Variants in MFSD8 observed in about 807,000 individuals in gnomAD.
MFSD8 encodes major facilitator superfamily domain-containing protein 8.
Under a neutral mutation model 66.4 loss-of-function variants are expected in MFSD8, and 55 were observed. The observed-to-expected ratio is 0.83, with a 90% CI of 0.67 to 1.04. The LOEUF (loss-of-function observed/expected upper bound fraction) is 1.04. MFSD8 is among the 50% of genes least tolerant of loss of function. The pLI is 0.00. For missense variants in MFSD8, 550 were observed against 627.6 expected, an observed-to-expected ratio of 0.88 and a Z score of 1.32; for synonymous variants, 202 against 212.8, an observed-to-expected ratio of 0.95 and a Z score of 0.44.
intron 1 of MFSD8, among the ~76,000 whole-genome samples, chr4:127,958,667 A>G (rs899861547): frequency 6.6e-6 from 1 of 152,178 alleles, no homozygotes; most frequent in Non-Finnish European, 1.5e-5. Context: ...ACCTGAGAAA[A>G]ATACCAGAAC....
chr4:127,921,273 C>G, intron 11 of MFSD8: 1 of 633,940 alleles, frequency 1.6e-6, no homozygotes, highest in Non-Finnish European at 2.7e-6. Flanking sequence ...CCATATTTGG[C>G]TGACTCCACT....
chr4:127,958,984 C>T (rs138165985), intron 1 of MFSD8, among the ~76,000 whole-genome samples: 2 of 152,264 alleles, frequency 1.3e-5, no homozygotes, highest in African/African-American at 4.8e-5. Context: ...GTCAAAGGCC[C>T]TCAAATGTCA....
intron 7 of MFSD8, among the ~76,000 whole-genome samples, chr4:127,938,480 G>C (rs1232184056): frequency 6.6e-6 from 1 of 151,778 alleles, no homozygotes; most frequent in Non-Finnish European, 1.5e-5. Flanking sequence ...CTACTCAGGA[G>C]GCTGAGGCAG....
intron 8 of MFSD8, 199 bp downstream of exon 8, chr4:127,932,786 A>C: frequency 2.0e-6 from 1 of 491,238 alleles, no homozygotes; most frequent in Non-Finnish European, 3.7e-6. Flanking sequence ...AAATAAGATA[A>C]GGTAGTTAAG....
chr4:127,961,158 T>G (rs1579002488), intron 1 of MFSD8, among the ~76,000 whole-genome samples: 2 of 152,198 alleles, frequency 1.3e-5, no homozygotes. Flanking sequence ...GGTGGTGACC[T>G]AGACATGTTT....
At chr4:127,937,304 CTT>C (rs1256858532) in intron 7 of MFSD8, among the ~76,000 whole-genome samples, 2 of 152,202 alleles carry the variant, frequency 1.3e-5, no homozygotes, top group African/African-American at 4.8e-5. Flanking sequence ...ATCATCTTCT[CTT>C]TTCATCTAAC....
At chr4:127,934,980 T>C (rs1328713854) in intron 7 of MFSD8, among the ~76,000 whole-genome samples, 1 of 152,154 alleles carries the variant, frequency 6.6e-6, no homozygotes, top group Non-Finnish European at 1.5e-5. Context: ...GCAGTAAGTT[T>C]CTATGATTTT....
intron 2 of MFSD8, among the ~76,000 whole-genome samples, chr4:127,954,205 C>T (rs1035247822): frequency 6.6e-6 from 1 of 152,136 alleles, no homozygotes; most frequent in African/African-American, 2.4e-5. Flanking sequence ...TTAGTAACTA[C>T]ATATTCAGAA....
At chr4:127,929,104 G>T (rs1397519563) in intron 9 of MFSD8, among the ~76,000 whole-genome samples, 1 of 151,620 alleles carries the variant, frequency 6.6e-6, no homozygotes, top group African/African-American at 2.4e-5. Flanking sequence ...GGCAGATCAT[G>T]AGGTCAGGAG....
chr4:127,961,899 C>T (rs1259140939), intron 1 of MFSD8, among the ~76,000 whole-genome samples: 1 of 151,302 alleles, frequency 6.6e-6, no homozygotes, highest in East Asian at 1.9e-4. Context: ...CAAGCTTATG[C>T]ACTTAACTAG....
intron 9 of MFSD8, among the ~76,000 whole-genome samples, chr4:127,928,450 C>A (rs1578829702): frequency 6.6e-6 from 1 of 152,076 alleles, no homozygotes; most frequent in African/African-American, 2.4e-5. Context: ...AGTGAATAGA[C>A]ATTCTCAAAA....
intron 9 of MFSD8, among the ~76,000 whole-genome samples, chr4:127,922,624 C>T (rs1393038633): frequency 6.8e-6 from 1 of 146,870 alleles, no homozygotes; most frequent in Non-Finnish European, 1.5e-5. Context: ...GACCCTGTCG[C>T]CAAAAAAAAA....
chr4:127,924,372 G>A (rs374965443), intron 9 of MFSD8, among the ~76,000 whole-genome samples: 20 of 151,908 alleles, frequency 1.3e-4, no homozygotes, highest in East Asian at 9.6e-4. Context: ...CTCCTTAAGC[G>A]ACAAGCAACT....
At chr4:127,930,025 G>C (rs978073066) in intron 9 of MFSD8, among the ~76,000 whole-genome samples, 1 of 152,108 alleles carries the variant, frequency 6.6e-6, no homozygotes, top group African/African-American at 2.4e-5. Context: ...GGAGGATTGC[G>C]TGAGCCCAGG....
intron 7 of MFSD8, 44 bp from the exon 8 acceptor site, chr4:127,933,137 T>C: frequency 6.8e-7 from 1 of 1,465,018 alleles, no homozygotes; most frequent in Non-Finnish European, 9.6e-7. Context: ...ATACATCTAA[T>C]TTTTCTTATG....
intron 9 of MFSD8, among the ~76,000 whole-genome samples, chr4:127,927,364 C>T (rs1159635143): frequency 2.6e-5 from 4 of 152,050 alleles, no homozygotes; most frequent in African/African-American, 4.8e-5. Flanking sequence ...TTAGTTACGA[C>T]GGGGTTTCAC....
At chr4:127,965,348 G>A (rs537726819), upstream of MFSD8, 115 of 625,684 alleles carry the variant, frequency 1.8e-4, no homozygotes, top group Non-Finnish European at 2.9e-4. Context: ...CTCCTCCCTC[G>A]GCACGCGCCT....
intron 4 of MFSD8, chr4:127,943,297 G>C (rs556012691): frequency 3.0e-5 from 6 of 197,572 alleles, no homozygotes; most frequent in East Asian, 1.5e-4. Flanking sequence ...CCAGAGACAT[G>C]TCAGAGAAGA....
chr4:127,933,132 T>G, intron 7 of MFSD8, 39 bp from the exon 8 acceptor site: 1 of 1,475,494 alleles, frequency 6.8e-7, no homozygotes, highest in Non-Finnish European at 9.5e-7. Flanking sequence ...TACCTATACA[T>G]CTAATTTTTC....
Sources: allele counts gnomAD v4.1 joint callset (sites outside exome capture counted in the v4.1 genomes callset), GRCh38; gene constraint gnomAD v4.1.1; transcripts MANE v1.5; gene names NCBI Gene and HGNC (gene_info 2026-07-23, HGNC 2026-07-21).